Variants in RHOBTB2 observed in about 807,000 individuals in gnomAD.
The protein encoded by RHOBTB2 is rho-related BTB domain-containing protein 2.
A neutral mutation model predicts 66.5 loss-of-function variants in RHOBTB2; 39 were observed. That is an observed-to-expected ratio of 0.59 (90% CI 0.45 to 0.77). The LOEUF (loss-of-function observed/expected upper bound fraction) is 0.77. Ranked by LOEUF, RHOBTB2 falls within the 30% of genes least tolerant of loss-of-function variation. The pLI, the probability that RHOBTB2 is intolerant of heterozygous loss-of-function variation, is 0.00. For missense variants in RHOBTB2, 755 were observed against 999.1 expected (o/e 0.76, Z 3.29); for synonymous variants, 390 against 395.0 (o/e 0.99, Z 0.15).
At chr8:23,000,733 A>G (rs1450185157) in intron 1 of RHOBTB2, among the ~76,000 whole-genome samples, 2 of 152,196 alleles carry the variant, frequency 1.3e-5, no homozygotes, top group East Asian at 3.9e-4. Flanking sequence ...TCCCCGAATT[A>G]GGAGTCCACT....
rs1004591339 is a variant in RHOBTB2 at position 23,014,694 on chromosome 8, G to T, written c.1776G>T (p.Gln592His). 1 of 1,613,832 alleles carries T rather than the reference G, an allele frequency of 6.2e-7. No individual in the cohort carries two copies. The highest frequency in any genetic ancestry group is 8.5e-7 in the Non-Finnish European group (1 of 1,179,832). ...TGGTGGCCGTGTGTGTTACAGAGCA[G>T]TACACAGTGACCGGGCTGATGGAAG... ...CLPHLVALTE[Q>H]YTVTGLMEAT... Residue 592 changes from glutamine (Q) to histidine (H), a missense_variant, in exon 8 of 10, where the codon CAG becomes CAT. Around this residue, in one of 7 missense-constraint regions of RHOBTB2, gnomAD observed 353 missense variants for 458.2 expected, o/e 0.77. Transcript: ENST00000251822.
At chr8:22,962,438 C>T in the RHOBTB2 span, among the ~76,000 whole-genome samples, 7 of 152,132 alleles carry the variant, frequency 4.6e-5, no homozygotes, top group Non-Finnish European at 8.8e-5. Context: ...AACTCAAAGG[C>T]ATTCACCGCT....
intron 9 of RHOBTB2, among the ~76,000 whole-genome samples, chr8:23,016,390 A>G (rs558148029): frequency 3.9e-5 from 6 of 151,916 alleles, no homozygotes; most frequent in Non-Finnish European, 8.8e-5. Flanking sequence ...TTTCACTACT[A>G]CAACACTTTT....
chr8:23,007,517 G>C lies in RHOBTB2; in HGVS notation c.1272G>C (p.Gly424=). 1 of 1,614,096 alleles carries C rather than the reference G, an allele frequency of 6.2e-7. No homozygotes were observed. Among genetic ancestry groups the C allele is most frequent in the Non-Finnish European group, 8.5e-7 (1 of 1,180,010 alleles). The change falls in exon 5 of 10, where the codon GGG becomes GGC. Residue 424 remains glycine, a synonymous_variant. Transcript: ENST00000251822. ...VVKMDSSIQP[G]PFRAVLKYLY... ...AGATGGACAGTTCCATCCAGCCGGG[G>C]CCCTTCCGGGCTGTCCTCAAGTACC...
chr8:22,999,488 C>T (rs572326437), upstream of RHOBTB2: 10 of 964,942 alleles, frequency 1.0e-5, no homozygotes, highest in African/African-American at 1.3e-4. Flanking sequence ...CCCCTTCTTC[C>T]CCCGCCCGCC....
the RHOBTB2 span, among the ~76,000 whole-genome samples, chr8:22,974,205 T>C: frequency 0.024 from 3,640 of 152,190 alleles, 136 homozygotes; most frequent in African/African-American, 0.083. Flanking sequence ...GGGAGACTGG[T>C]TTGTTCTCTG....
At chr8:22,994,142 T>C (rs1189030311) in intron 2 of RHOBTB2, among the ~76,000 whole-genome samples, 2 of 152,190 alleles carry the variant, frequency 1.3e-5, no homozygotes. Flanking sequence ...GAATGAGTCT[T>C]GGAGGTCACC....
chr8:23,007,312 G>T lies in RHOBTB2; in HGVS notation c.1067G>T (p.Gly356Val). The T allele has an allele frequency of 6.2e-7, 1 of 1,613,716 alleles. No individual in the cohort carries two copies. The stretch of plus-strand genomic sequence containing the variant: ...TGCGAGAGCGTGGATGAGGCTGGGG[G>T]CTCCGGTCCTGCTGGCCTCCGTGCT... The part of the protein sequence containing the change: ...DVCESVDEAG[G>V]SGPAGLRAST... The change falls in exon 5 of 10, where the codon GGC becomes GTC. Residue 356 changes from glycine to valine, a missense_variant. Gly to Val is a moderately radical substitution (Grantham distance 109, BLOSUM62 -3). This residue lies in a region of RHOBTB2 where 247 missense variants were observed against 238.9 expected (regional missense o/e 1.03). Coordinates refer to ENST00000251822, the MANE Select transcript of RHOBTB2 (RefSeq NM_015178.3).
At position 23,018,670 on chromosome 8, in the gene RHOBTB2, C is replaced by T. The variant is rs1811377490; in HGVS notation, c.*1201C>T. The T allele has an allele frequency of 6.6e-6, 1 of 152,364 alleles. No homozygotes were observed. Among genetic ancestry groups the T allele is most frequent in the Non-Finnish European group, 1.5e-5 (1 of 68,194 alleles). 9.4% of individuals were successfully genotyped at this position (152,364 alleles called of 1,614,324 possible). A position where few individuals can be genotyped will look rare whatever the true frequency, so the allele number is the denominator to read the frequency against. On this transcript the variant is annotated 3_prime_UTR_variant, in exon 10 of 10. Coordinates refer to ENST00000251822, the MANE Select transcript of RHOBTB2 (RefSeq NM_015178.3). Reference sequence around the variant, plus strand: ...GGCAAAGAGGGGTTTGGTCTCGGGGCTTAAATGGCACCAGACTCTTGCTTT... The same window carrying T: ...GGCAAAGAGGGGTTTGGTCTCGGGGTTTAAATGGCACCAGACTCTTGCTTT...
At chr8:22,974,665 C>A in the RHOBTB2 span, among the ~76,000 whole-genome samples, 3 of 152,284 alleles carry the variant, frequency 2.0e-5, no homozygotes, top group East Asian at 1.9e-4. Context: ...CTATGAAGTG[C>A]AGTTTGTAGA....
At chr8:22,956,539 C>G in the RHOBTB2 span, among the ~76,000 whole-genome samples, 4 of 152,144 alleles carry the variant, frequency 2.6e-5, no homozygotes, top group African/African-American at 9.7e-5. Flanking sequence ...TGTAAGTCTC[C>G]AGAGGCCTCC....
the RHOBTB2 span, among the ~76,000 whole-genome samples, chr8:22,973,066 C>T: frequency 1.9e-4 from 28 of 148,680 alleles, no homozygotes; most frequent in Middle Eastern, 6.8e-3. Context: ...AACCTTGCTG[C>T]CTGTTCTCAG....
rs1811343095 is a variant in RHOBTB2 at position 23,017,887 on chromosome 8, T to C, written c.*418T>C. The C allele has an allele frequency of 5.4e-6, 1 of 186,322 alleles. No individual in the cohort carries two copies. The highest frequency in any genetic ancestry group is 1.2e-4 in the South Asian group (1 of 8,512). 11.5% of individuals were successfully genotyped at this position (186,322 alleles called of 1,614,324 possible). On this transcript the variant is annotated 3_prime_UTR_variant, in exon 10 of 10. Transcript: ENST00000251822. This position sits in a 1 kb window ranked among gnomAD's most constrained non-coding sequence, Gnocchi z 5.3. ...TCGAGGGTCCTGCCCCTGTTGGCCA[T>C]ATCTTTCCACCGACGGACTTGAGTG...
intron 1 of RHOBTB2, among the ~76,000 whole-genome samples, chr8:22,987,728 C>T (rs577469433): frequency 3.9e-5 from 6 of 152,244 alleles, no homozygotes; most frequent in East Asian, 3.9e-4. Flanking sequence ...GAAGGGAGCA[C>T]GAGGGGTGGG....
chr8:23,006,934 A>T lies in RHOBTB2; in HGVS notation c.689A>T (p.Gln230Leu). ...CGCAATGTGCAGCGGCCTCTGCTGCAGGCACCCTTCCTACCCCCCAAGCCA... is the reference window on the plus strand; with the variant it reads ...CGCAATGTGCAGCGGCCTCTGCTGCTGGCACCCTTCCTACCCCCCAAGCCA... ...HLRNVQRPLL[Q>L]APFLPPKPPP... is the part of the protein sequence containing the mutation. Residue 230 changes from glutamine (Q) to leucine (L), a missense_variant, in exon 5 of 10, where the codon CAG becomes CTG. Physicochemically the swap from Gln to Leu is moderately radical, Grantham distance 113. Coordinates refer to ENST00000251822, the MANE Select transcript of RHOBTB2 (RefSeq NM_015178.3). This position sits in a 1 kb window ranked among gnomAD's most constrained non-coding sequence, Gnocchi z 6.1. The T allele has an allele frequency of 6.2e-7, 1 of 1,613,348 alleles. No homozygotes were observed. Among genetic ancestry groups the T allele is most frequent in the Non-Finnish European group, 8.5e-7 (1 of 1,180,000 alleles).
chr8:22,981,978 G>A, the RHOBTB2 span, among the ~76,000 whole-genome samples: 1 of 152,192 alleles, frequency 6.6e-6, no homozygotes, highest in Admixed American at 6.5e-5. Flanking sequence ...CCCCTACCAG[G>A]ATCTTAAGGC....
rs1484946266 is a variant in RHOBTB2, at chr8:23,017,218, C to A, written c.1967-34C>A. 1 of 1,611,960 alleles carries A rather than the reference C, an allele frequency of 6.2e-7. No individual in the cohort carries two copies. Among genetic ancestry groups the A allele is most frequent in the Non-Finnish European group, 8.5e-7 (1 of 1,178,468 alleles). ...CCACGTTCCTCTTGTCCCTCTGCCT[C>A]CTTTCTAACCAAGCTGCCTGCTCTC... On this transcript the variant is annotated intron_variant, in intron 9 of 9. Coordinates refer to ENST00000251822, the MANE Select transcript of RHOBTB2 (RefSeq NM_015178.3). This position sits in a 1 kb window ranked among gnomAD's most constrained non-coding sequence, Gnocchi z 5.3.
chr8:22,996,752 G>A (rs1585183206), upstream of RHOBTB2, among the ~76,000 whole-genome samples: 1 of 152,086 alleles, frequency 6.6e-6, no homozygotes, highest in African/African-American at 2.4e-5. Flanking sequence ...AGACGCTGCT[G>A]CCTGCCGGGT....
upstream of RHOBTB2, among the ~76,000 whole-genome samples, chr8:22,996,979 G>T (rs369231690): frequency 2.7e-4 from 41 of 152,168 alleles, no homozygotes. Flanking sequence ...TCCTGGCCAG[G>T]GCTGGCTGGG....
Sources: gnomAD v4.1 joint callset for allele counts (sites outside exome capture counted in the v4.1 genomes callset) on GRCh38, gnomAD v4.1.1 for gene constraint, gnomAD v4.1.1 regional missense constraint, Gnocchi (gnomAD v3.1) non-coding constraint, MANE v1.5 for transcripts, NCBI Gene and HGNC (gene_info 2026-07-23, HGNC 2026-07-21) for gene names.